SIDT1: variants seen among roughly 807,000 people sequenced by gnomAD.
SIDT1 encodes the protein SID1 transmembrane family, member 1.
Under a neutral mutation model 107.5 loss-of-function variants are expected in SIDT1, and 101 were observed. That is an observed-to-expected ratio of 0.94 (90% CI 0.80 to 1.11). The LOEUF (loss-of-function observed/expected upper bound fraction) is 1.11. Ranked by LOEUF, SIDT1 falls within the 50% of genes least tolerant of loss-of-function variation. The probability of loss-of-function intolerance (pLI) is 0.00; values close to 1 mark genes in which losing one functional copy is unlikely to be tolerated. For missense variants in SIDT1, 1,076 were observed against 1,058.2 expected (o/e 1.02, Z -0.23); for synonymous variants, 395 against 398.2 (o/e 0.99, Z 0.10).
chr3:113,557,053 C>A (rs1184260018), intron 1 of SIDT1, among the ~76,000 whole-genome samples: 1 of 152,010 alleles, frequency 6.6e-6, no homozygotes, highest in Non-Finnish European at 1.5e-5. Flanking sequence ...TCAGGTGATC[C>A]ACCCACCTCC....
At chr3:113,571,486 GCACACACA>G (rs60256247) in intron 3 of SIDT1, among the ~76,000 whole-genome samples, 2 of 148,852 alleles carry the variant, frequency 1.3e-5, no homozygotes, top group Non-Finnish European at 3.0e-5. Context: ...CCTATCCTCT[GCACACACA>G]CACACACACA....
chr3:113,539,092 C>T (rs183314879), intron 1 of SIDT1, among the ~76,000 whole-genome samples: 8 of 152,120 alleles, frequency 5.3e-5, no homozygotes, highest in Admixed American at 3.9e-4. Flanking sequence ...CTTAAGCTAT[C>T]GTTTGTAAAG....
At chr3:113,560,053 T>C (rs1189089240) in intron 1 of SIDT1, among the ~76,000 whole-genome samples, 2 of 152,170 alleles carry the variant, frequency 1.3e-5, no homozygotes, top group East Asian at 1.9e-4. Flanking sequence ...CTAGTCATGA[T>C]TGTTCCATCG....
intron 1 of SIDT1, among the ~76,000 whole-genome samples, chr3:113,551,767 C>A (rs566204398): frequency 6.6e-6 from 1 of 152,166 alleles, no homozygotes; most frequent in South Asian, 2.1e-4. Flanking sequence ...GCCACAGCCT[C>A]CCATGAACCA....
chr3:113,612,336 A>G (rs1038486377), intron 19 of SIDT1, 142 bp downstream of exon 19: 1 of 707,256 alleles, frequency 1.4e-6, no homozygotes, highest in Non-Finnish European at 2.6e-6. Context: ...TTAATAGCAC[A>G]TATTCGCTCC....
chr3:113,592,920 A>G, intron 9 of SIDT1, 85 bp from the exon 10 acceptor site: 1 of 1,105,960 alleles, frequency 9.0e-7, no homozygotes, highest in East Asian at 2.4e-5. Flanking sequence ...CTAGTAGACA[A>G]ATCCGCAACA....
Position 113,626,121 on chromosome 3 carries a change from G to C in SIDT1, c.2327G>C (p.Arg776Pro), listed in dbSNP as rs1186129335. ...SSWEGTPAES[R>P]EKNRECILLD... ...CTCCAGGGAACTCCGGCCGAATCCC[G>C]GGAGAAGAACCGCGAGTGCATTCTG... Residue 776 changes from arginine (R) to proline (P), a missense_variant, in exon 24 of 25, where the codon CGG (arginine) becomes CCG (proline). Transcript: ENST00000264852. The C allele has an allele frequency of 6.2e-7, 1 of 1,613,738 alleles. No homozygotes were observed. The highest frequency in any genetic ancestry group is 8.5e-7 in the Non-Finnish European group (1 of 1,179,840).
At chr3:113,539,857 A>G (rs968312709) in intron 1 of SIDT1, among the ~76,000 whole-genome samples, 9 of 152,160 alleles carry the variant, frequency 5.9e-5, no homozygotes, top group Non-Finnish European at 1.0e-4. Context: ...ACAAAAAAGT[A>G]GCCGGATGTG....
chr3:113,585,136 T>C (rs530644128), intron 8 of SIDT1, 41 bp from the exon 9 acceptor site: 1 of 1,388,072 alleles, frequency 7.2e-7, no homozygotes, highest in African/African-American at 1.4e-5. Context: ...TCTTCTTTTC[T>C]GCAGAGGATG....
In SIDT1 at chr3:113,574,942, CCT is replaced by C. The variant is rs369183213; in HGVS notation, c.516-1977_516-1976del. 5.4e-4 allele frequency among the ~76,000 whole-genome samples: 82 copies of C among 152,236 alleles called. No individual in the cohort carries two copies. In the South Asian group the frequency reaches 0.013, roughly 25 times the overall value. On this transcript the variant is annotated intron_variant, in intron 3 of 24. Transcript: ENST00000264852. ...CCCCTAACAAAATAAACCCTCCCCACCTCTGTTAGGGTTCATGTGGAAGGAAG... is the reference window on the plus strand; with the variant it reads ...CCCCTAACAAAATAAACCCTCCCCACCTGTTAGGGTTCATGTGGAAGGAAG...
At chr3:113,624,378 G>A (rs79925236) in intron 23 of SIDT1, among the ~76,000 whole-genome samples, 4,193 of 152,166 alleles carry the variant, frequency 0.028, 119 homozygotes, top group East Asian at 0.11. Flanking sequence ...TTTGTGTCTG[G>A]CTTCTTTCAC....
intron 7 of SIDT1, among the ~76,000 whole-genome samples, chr3:113,584,008 G>T (rs1042447572): frequency 6.6e-6 from 1 of 152,186 alleles, no homozygotes; most frequent in Admixed American, 6.5e-5. Flanking sequence ...ATAATAAGGG[G>T]TTATGGGGGC....
chr3:113,604,388 T>C (rs1367242548), intron 13 of SIDT1, among the ~76,000 whole-genome samples: 3 of 152,286 alleles, frequency 2.0e-5, no homozygotes, highest in Middle Eastern at 3.4e-3. Context: ...TGAAATTTCA[T>C]AGTGGGACCA....
Position 113,551,881 on chromosome 3 carries a change from G to C in SIDT1, c.223-14539G>C, listed in dbSNP as rs78496247. 8.9e-3 allele frequency among the ~76,000 whole-genome samples: 1,352 copies of C among 151,564 alleles called. 17 individuals carry two copies. The highest frequency in any genetic ancestry group is 0.065 in the East Asian group (333 of 5,132). ...GTGTGTGTGTTTTATTTTCATCAAT[G>C]CTGGGTTCCTTCTTTGTGTCAGGAA... On this transcript the variant is annotated intron_variant, in intron 1 of 24. Coordinates refer to ENST00000264852, the MANE Select transcript of SIDT1 (RefSeq NM_017699.3).
At chr3:113,550,956 T>C (rs1196312370) in intron 1 of SIDT1, among the ~76,000 whole-genome samples, 1 of 152,136 alleles carries the variant, frequency 6.6e-6, no homozygotes, top group Non-Finnish European at 1.5e-5. Context: ...GTTGCTCCCC[T>C]CTATGTGTCC....
intron 3 of SIDT1, among the ~76,000 whole-genome samples, chr3:113,573,960 G>T (rs1053891484): frequency 4.6e-5 from 7 of 152,190 alleles, no homozygotes; most frequent in African/African-American, 7.2e-5. Flanking sequence ...GATAGCAGTG[G>T]GTGGAGGAAA....
intron 3 of SIDT1, among the ~76,000 whole-genome samples, chr3:113,569,020 G>T (rs1360909061): frequency 6.6e-6 from 1 of 150,986 alleles, no homozygotes; most frequent in African/African-American, 2.4e-5. Context: ...GGCGCCTGTT[G>T]TCCCAGCTAA....
chr3:113,574,557 T>C (rs1942752500), intron 3 of SIDT1, among the ~76,000 whole-genome samples: 1 of 152,120 alleles, frequency 6.6e-6, no homozygotes, highest in Non-Finnish European at 1.5e-5. Flanking sequence ...CCTCTCTTTC[T>C]ATGTAGTCTT....
chr3:113,609,884 G>A lies in SIDT1; in HGVS notation c.1721-1124G>A, dbSNP rs376557980. Among the ~76,000 whole-genome samples the A allele has an allele frequency of 3.3e-5, 5 of 152,190 alleles. No homozygotes were observed. The South Asian group carries it at 8.3e-4, about 25-fold the overall frequency. ...GATAAAGTTGAGGTCCTGTTTTGACGCACTTTCAAACTTAATCTCCTCCTT... is the reference window on the plus strand; with the variant it reads ...GATAAAGTTGAGGTCCTGTTTTGACACACTTTCAAACTTAATCTCCTCCTT... On this transcript the variant is annotated intron_variant, in intron 17 of 24. Transcript: ENST00000264852.
Sources: allele counts gnomAD v4.1 joint callset (sites outside exome capture counted in the v4.1 genomes callset), GRCh38; gene constraint gnomAD v4.1.1; transcripts MANE v1.5; gene names NCBI Gene and HGNC (gene_info 2026-07-23, HGNC 2026-07-21).